EHBP1: variants seen among roughly 807,000 people sequenced by gnomAD.
EHBP1 encodes EH domain-binding protein 1.
A neutral mutation model predicts 144.0 loss-of-function variants in EHBP1; 55 were observed. That is an observed-to-expected ratio of 0.38 (90% CI 0.31 to 0.48). The LOEUF (loss-of-function observed/expected upper bound fraction) is 0.48, where lower values mean the gene tolerates loss of function less well. Ranked by LOEUF, EHBP1 falls within the 20% of genes least tolerant of loss-of-function variation. The probability of loss-of-function intolerance (pLI) is 0.98; values close to 1 mark genes in which losing one functional copy is unlikely to be tolerated. For synonymous variants in EHBP1, 469 were observed against 472.7 expected, an observed-to-expected ratio of 0.99 and a Z score of 0.10; for missense variants, 1,200 against 1,364.2, an observed-to-expected ratio of 0.88 and a Z score of 1.90.
chr2:62,913,646 T>G (rs981211058), intron 10 of EHBP1, among the ~76,000 whole-genome samples: 1 of 152,208 alleles, frequency 6.6e-6, no homozygotes, highest in Non-Finnish European at 1.5e-5. Flanking sequence ...TTCAATTAAG[T>G]GGTATGTCAC....
At chr2:62,753,518 C>T (rs925970868) in intron 3 of EHBP1, among the ~76,000 whole-genome samples, 1 of 151,986 alleles carries the variant, frequency 6.6e-6, no homozygotes, top group African/African-American at 2.4e-5. Flanking sequence ...TTGTGGCGTT[C>T]TCTGTATTTC....
intron 19 of EHBP1, among the ~76,000 whole-genome samples, chr2:62,999,496 T>C (rs2059766749): frequency 6.6e-6 from 1 of 152,140 alleles, no homozygotes; most frequent in Non-Finnish European, 1.5e-5. Context: ...TATTTCCTTC[T>C]CCCCCAATCC....
intron 1 of EHBP1, among the ~76,000 whole-genome samples, chr2:62,693,772 C>G (rs1179964021): frequency 6.6e-6 from 1 of 152,158 alleles, no homozygotes; most frequent in African/African-American, 2.4e-5. Flanking sequence ...CTTCTCCCCT[C>G]CCGACTACAC....
At chr2:62,917,833 C>T (rs185663399) in intron 10 of EHBP1, among the ~76,000 whole-genome samples, 3 of 152,074 alleles carry the variant, frequency 2.0e-5, no homozygotes, top group Admixed American at 2.0e-4. Flanking sequence ...AGGAATGTCT[C>T]CCAGCACTTT....
chr2:62,891,198 A>G (rs1284032618), intron 10 of EHBP1, among the ~76,000 whole-genome samples: 1 of 151,928 alleles, frequency 6.6e-6, no homozygotes, highest in African/African-American at 2.4e-5. Context: ...AAATTAATAT[A>G]TATTTCAAGT....
At chr2:63,016,834 G>T (rs2153273809) in intron 19 of EHBP1, among the ~76,000 whole-genome samples, 1 of 152,308 alleles carries the variant, frequency 6.6e-6, no homozygotes, top group Non-Finnish European at 1.5e-5. Flanking sequence ...CCAGGCAGAA[G>T]AACAGTGCTC....
intron 16 of EHBP1, among the ~76,000 whole-genome samples, chr2:62,992,939 C>T (rs548982454): frequency 1.1e-4 from 17 of 152,284 alleles, no homozygotes; most frequent in Admixed American, 9.8e-4. Context: ...GTATCTGCAG[C>T]TTCCACACAC....
At chr2:62,804,012 AAGACTT>A (rs2044250465) in intron 5 of EHBP1, among the ~76,000 whole-genome samples, 1 of 152,210 alleles carries the variant, frequency 6.6e-6, no homozygotes, top group African/African-American at 2.4e-5. Flanking sequence ...ATTACAGTAA[AAGACTT>A]AGACTACTGC....
chr2:62,926,253 G>A (rs1192687469), intron 10 of EHBP1, among the ~76,000 whole-genome samples: 1 of 152,024 alleles, frequency 6.6e-6, no homozygotes, highest in Non-Finnish European at 1.5e-5. Flanking sequence ...AAGACCTGAA[G>A]CATTGAAACT....
At chr2:62,893,950 C>T (rs531224674) in intron 10 of EHBP1, among the ~76,000 whole-genome samples, 2 of 151,406 alleles carry the variant, frequency 1.3e-5, no homozygotes, top group African/African-American at 4.9e-5. Flanking sequence ...GAGACTGAGG[C>T]AGGAGAATCA....
chr2:63,019,491 G>A (rs528885372), intron 19 of EHBP1, among the ~76,000 whole-genome samples: 7 of 152,058 alleles, frequency 4.6e-5, no homozygotes, highest in Admixed American at 1.3e-4. Flanking sequence ...GGCAGATCAC[G>A]AGGTTATGAG....
intron 3 of EHBP1, among the ~76,000 whole-genome samples, chr2:62,756,868 A>C (rs1234343397): frequency 6.6e-6 from 1 of 152,076 alleles, no homozygotes; most frequent in African/African-American, 2.4e-5. Flanking sequence ...ACTATGAAGG[A>C]AATGATTATA....
At chr2:62,924,111 C>T (rs1253188676) in intron 10 of EHBP1, among the ~76,000 whole-genome samples, 1 of 152,136 alleles carries the variant, frequency 6.6e-6, no homozygotes, top group Admixed American at 6.5e-5. Flanking sequence ...GCTGAGGAGC[C>T]ATGTACCAGC....
intron 2 of EHBP1, among the ~76,000 whole-genome samples, chr2:62,735,791 A>G (rs1230714699): frequency 1.3e-5 from 2 of 152,180 alleles, no homozygotes; most frequent in African/African-American, 4.8e-5. Flanking sequence ...TTCAAAGGGT[A>G]CAGAATTCTA....
intron 3 of EHBP1, among the ~76,000 whole-genome samples, chr2:62,752,032 A>C (rs1381716152): frequency 1.3e-5 from 2 of 151,098 alleles, no homozygotes; most frequent in South Asian, 2.1e-4. Flanking sequence ...CTAGCTTTTG[A>C]ATGTGTTTGC....
At chr2:62,933,832 T>G (rs2153047707) in intron 10 of EHBP1, among the ~76,000 whole-genome samples, 1 of 152,316 alleles carries the variant, frequency 6.6e-6, no homozygotes, top group Middle Eastern at 3.4e-3. Flanking sequence ...TGATTTTAAA[T>G]TTACATAAAT....
intron 19 of EHBP1, among the ~76,000 whole-genome samples, chr2:63,021,028 G>T (rs1574501362): frequency 1.0e-5 from 1 of 100,094 alleles, no homozygotes. Flanking sequence ...TCTCTATGTT[G>T]CCCAAGCTGT....
intron 19 of EHBP1, among the ~76,000 whole-genome samples, chr2:63,025,263 G>A (rs2153311771): frequency 6.6e-6 from 1 of 152,262 alleles, no homozygotes; most frequent in East Asian, 1.9e-4. Flanking sequence ...GGTGTATTGT[G>A]AGGACTAAAC....
chr2:62,985,042 A>G (rs2059128490), intron 15 of EHBP1, among the ~76,000 whole-genome samples: 1 of 152,090 alleles, frequency 6.6e-6, no homozygotes, highest in South Asian at 2.1e-4. Flanking sequence ...TACTCTCCTC[A>G]GTATCCCTTC....
Sources: allele counts gnomAD v4.1 joint callset (sites outside exome capture counted in the v4.1 genomes callset), GRCh38; gene constraint gnomAD v4.1.1; transcripts MANE v1.5; gene names NCBI Gene and HGNC (gene_info 2026-07-23, HGNC 2026-07-21).